The following MLLT10 variants were observed in gnomAD, a reference collection of about 807,000 sequenced individuals.
MLLT10 encodes the protein MLLT10 histone lysine methyltransferase DOT1L cofactor.
MLLT10 carries 30 observed loss-of-function variants against 129.1 expected under a neutral mutation model. That is an observed-to-expected ratio of 0.23 (90% CI 0.17 to 0.32). The LOEUF is 0.32. MLLT10 is among the 10% of genes least tolerant of loss of function. The pLI, the probability that MLLT10 is intolerant of heterozygous loss-of-function variation, is 1.00. For synonymous variants in MLLT10, 490 were observed against 446.4 expected, an observed-to-expected ratio of 1.10 and a Z score of -1.23; for missense variants, 1,119 against 1,268.3, an observed-to-expected ratio of 0.88 and a Z score of 1.79.
intron 9 of MLLT10, among the ~76,000 whole-genome samples, chr10:21,656,453 T>C (rs1290713157): frequency 6.6e-6 from 1 of 152,204 alleles, no homozygotes; most frequent in African/African-American, 2.4e-5. Flanking sequence ...TTCACTACTG[T>C]AATTTTTAAA....
At chr10:21,725,186 A>G (rs1253131935) in intron 14 of MLLT10, among the ~76,000 whole-genome samples, 2 of 152,244 alleles carry the variant, frequency 1.3e-5, no homozygotes, top group African/African-American at 4.8e-5. Context: ...TGTAGCTAAA[A>G]TACTAGAAGT....
At chr10:21,575,425 G>T (rs1456429419) in intron 3 of MLLT10, among the ~76,000 whole-genome samples, 1 of 152,120 alleles carries the variant, frequency 6.6e-6, no homozygotes, top group South Asian at 2.1e-4. Context: ...TTGAACTTGC[G>T]ACCTCAGATG....
chr10:21,542,061 A>G (rs967670693), intron 3 of MLLT10, among the ~76,000 whole-genome samples: 11 of 152,126 alleles, frequency 7.2e-5, no homozygotes, highest in Admixed American at 2.6e-4. Context: ...AACACTGACA[A>G]TGAGATGAGG....
chr10:21,719,100 C>T (rs1172420933), intron 14 of MLLT10, among the ~76,000 whole-genome samples: 1 of 152,112 alleles, frequency 6.6e-6, no homozygotes, highest in Non-Finnish European at 1.5e-5. Context: ...CAATTAGCTT[C>T]GAATATTTTG....
chr10:21,731,588 A>AGTATG (rs1464757926), intron 17 of MLLT10, among the ~76,000 whole-genome samples: 7 of 152,202 alleles, frequency 4.6e-5, no homozygotes, highest in Admixed American at 6.5e-5. Flanking sequence ...CAAATAGTCA[A>AGTATG]GTATGGCCGG....
At chr10:21,695,046 C>A (rs1453915301) in intron 13 of MLLT10, among the ~76,000 whole-genome samples, 1 of 149,822 alleles carries the variant, frequency 6.7e-6, no homozygotes, top group African/African-American at 2.5e-5. Context: ...GCATCTTTCA[C>A]TGACTTTCTA....
intron 13 of MLLT10, chr10:21,688,542 T>C: frequency 6.2e-7 from 1 of 1,611,080 alleles, no homozygotes; most frequent in African/African-American, 1.3e-5. Flanking sequence ...TTCATAGGTA[T>C]GTACCAAACT....
At chr10:21,699,526 G>T (rs904486046) in intron 13 of MLLT10, among the ~76,000 whole-genome samples, 2 of 152,044 alleles carry the variant, frequency 1.3e-5, no homozygotes, top group East Asian at 1.9e-4. Context: ...GTTTAAGTCT[G>T]TAATCCATCT....
At chr10:21,548,952 T>A (rs2036536194) in intron 3 of MLLT10, among the ~76,000 whole-genome samples, 3 of 152,078 alleles carry the variant, frequency 2.0e-5, no homozygotes, top group Non-Finnish European at 4.4e-5. Flanking sequence ...ATTGTGTAAT[T>A]TTTGACTGCA....
At chr10:21,719,353 C>G (rs1262817780) in intron 14 of MLLT10, among the ~76,000 whole-genome samples, 1 of 152,030 alleles carries the variant, frequency 6.6e-6, no homozygotes, top group African/African-American at 2.4e-5. Context: ...AGGGAATTAC[C>G]TTTCTGAGGA....
intron 13 of MLLT10, among the ~76,000 whole-genome samples, chr10:21,700,129 A>T (rs2054767980): frequency 6.8e-6 from 1 of 147,364 alleles, no homozygotes. Flanking sequence ...TTTTTTAAAC[A>T]CTATAGTAAA....
At chr10:21,739,701 A>G (rs2058674261) in intron 21 of MLLT10, among the ~76,000 whole-genome samples, 1 of 152,166 alleles carries the variant, frequency 6.6e-6, no homozygotes, top group African/African-American at 2.4e-5. Flanking sequence ...AGGTTGTTTT[A>G]AGTTTGGAAA....
intron 4 of MLLT10, among the ~76,000 whole-genome samples, chr10:21,588,608 T>C (rs2042219709): frequency 6.6e-6 from 1 of 152,112 alleles, no homozygotes; most frequent in African/African-American, 2.4e-5. Flanking sequence ...TTATTTGCCC[T>C]GTAGTTTTAC....
chr10:21,679,996 G>A lies in MLLT10; in HGVS notation c.1622-1336G>A, dbSNP rs190387944. On this transcript the variant is annotated intron_variant, in intron 11 of 22. Coordinates refer to ENST00000307729, the MANE Select transcript of MLLT10 (RefSeq NM_001195626.3). ...TTGTTTCCAGGATTAGCAAACCCAGGTCCTTTGAGTCACAGCCTTGGTCCT... is the reference window on the plus strand; with the variant it reads ...TTGTTTCCAGGATTAGCAAACCCAGATCCTTTGAGTCACAGCCTTGGTCCT... Among the ~76,000 whole-genome samples the A allele has an allele frequency of 6.6e-5, 10 of 152,154 alleles. No individual in the cohort carries two copies. In the East Asian group the frequency reaches 1.9e-3, roughly 29 times the overall value.
intron 11 of MLLT10, among the ~76,000 whole-genome samples, chr10:21,676,302 A>G (rs147532955): frequency 0.019 from 2,858 of 151,900 alleles, 84 homozygotes; most frequent in African/African-American, 0.065. Context: ...CTGTAGTCCT[A>G]GCTACTCGGA....
At chr10:21,550,927 A>ATTT (rs200972062) in intron 3 of MLLT10, among the ~76,000 whole-genome samples, 1 of 100,884 alleles carries the variant, frequency 9.9e-6, no homozygotes, top group African/African-American at 3.8e-5. Flanking sequence ...TTTATCTTTA[A>ATTT]TTTTTTTTTT....
chr10:21,554,781 G>A (rs1220087584), intron 3 of MLLT10, among the ~76,000 whole-genome samples: 1 of 150,926 alleles, frequency 6.6e-6, no homozygotes, highest in Non-Finnish European at 1.5e-5. Context: ...AATTTTTCAA[G>A]ATGGTTATAC....
chr10:21,735,186 TTCA>T lies in MLLT10; in HGVS notation c.2910_2912del (p.His970del), dbSNP rs1564748408. On this transcript the variant is annotated inframe_deletion, in exon 21 of 23. Transcript: ENST00000307729. Reference sequence around the variant, plus strand: ...TCTGACCAGCAACGACAAATACTTATTCATCAACAGCAGTTTCAGCAGTTGTTA... The same window carrying T: ...TCTGACCAGCAACGACAAATACTTATTCAACAGCAGTTTCAGCAGTTGTTA... 1 of 1,614,046 alleles carries T rather than the reference TTCA, an allele frequency of 6.2e-7. No individual in the cohort carries two copies. Among genetic ancestry groups the T allele is most frequent in the Admixed American group, 1.7e-5 (1 of 60,012 alleles).
intron 4 of MLLT10, among the ~76,000 whole-genome samples, chr10:21,587,176 G>A (rs1158306064): frequency 1.3e-5 from 2 of 151,810 alleles, no homozygotes; most frequent in African/African-American, 2.4e-5. Flanking sequence ...AAGGTAGGAG[G>A]CTCACTGGAG....
Sources: allele counts gnomAD v4.1 joint callset (sites outside exome capture counted in the v4.1 genomes callset), GRCh38; gene constraint gnomAD v4.1.1; transcripts MANE v1.5; gene names NCBI Gene and HGNC (gene_info 2026-07-23, HGNC 2026-07-21).